PCLO: variants seen among roughly 807,000 people sequenced by gnomAD.
The protein encoded by PCLO is piccolo presynaptic cytomatrix protein, also known as protein piccolo.
In PCLO, 82 loss-of-function variants were observed where a neutral mutation model predicts 427.5. The ratio of observed to expected loss-of-function variants is 0.19; its 90% CI spans 0.16 to 0.23. The LOEUF (loss-of-function observed/expected upper bound fraction) is 0.23, where lower values mean the gene tolerates loss of function less well. Among genes scored for constraint, PCLO ranks in the 10% least tolerant of loss-of-function variants. The pLI is 1.00. For synonymous variants in PCLO, 2,357 were observed against 2,155.4 expected (o/e 1.09, Z -2.59); for missense variants, 6,239 against 6,115.9 (o/e 1.02, Z -0.67).
At chr7:82,996,195 T>C (rs1023139839) in intron 3 of PCLO, among the ~76,000 whole-genome samples, 1 of 151,900 alleles carries the variant, frequency 6.6e-6, no homozygotes. Context: ...TAAAATAAGA[T>C]TTACCAAAAT....
chr7:82,778,610 GT>G (rs1240542678), intron 22 of PCLO, among the ~76,000 whole-genome samples: 1 of 152,068 alleles, frequency 6.6e-6, no homozygotes, highest in Non-Finnish European at 1.5e-5. Flanking sequence ...TCTTCTGAAA[GT>G]TTTAGAGTGT....
Position 82,988,920 on chromosome 7 carries a change from T to C in PCLO, c.3301-22433A>G, listed in dbSNP as rs375089148. ...CGCGATCTCGGCTCACCGCAACCTC[T>C]GCCTCCCGGGTTCAAGCGATTCTCC... On this transcript the variant is annotated intron_variant, in intron 3 of 24. Coordinates refer to ENST00000333891, the MANE Select transcript of PCLO (RefSeq NM_033026.6). 1.4e-4 allele frequency among the ~76,000 whole-genome samples: 22 copies of C among 152,028 alleles called. No individual in the cohort carries two copies. In the East Asian group the frequency reaches 3.3e-3, roughly 23 times the overall value.
chr7:82,958,488 T>C (rs1472427583), intron 4 of PCLO, among the ~76,000 whole-genome samples: 1 of 152,128 alleles, frequency 6.6e-6, no homozygotes, highest in Non-Finnish European at 1.5e-5. Flanking sequence ...TCTAAATATA[T>C]ACCTTTATTA....
chr7:82,770,694 A>G (rs981430965), intron 22 of PCLO, among the ~76,000 whole-genome samples: 2 of 151,896 alleles, frequency 1.3e-5, no homozygotes, highest in African/African-American at 2.4e-5. Context: ...TTTACCTAAC[A>G]TGCTGAAATT....
intron 3 of PCLO, among the ~76,000 whole-genome samples, chr7:83,032,388 A>ACTCCCCTCC (rs1788691266): frequency 7.3e-6 from 1 of 136,998 alleles, no homozygotes; most frequent in African/African-American, 2.8e-5. Flanking sequence ...CACTCCCCTC[A>ACTCCCCTCC]CTCCCCTCAC....
chr7:82,895,151 A>T (rs1318013455), intron 9 of PCLO, among the ~76,000 whole-genome samples: 1 of 152,020 alleles, frequency 6.6e-6, no homozygotes, highest in Non-Finnish European at 1.5e-5. Flanking sequence ...AACTACAATG[A>T]AACTAAACTA....
intron 3 of PCLO, among the ~76,000 whole-genome samples, chr7:83,104,825 G>A (rs961174265): frequency 1.3e-5 from 2 of 152,070 alleles, no homozygotes; most frequent in African/African-American, 2.4e-5. Context: ...ACAAAGACCT[G>A]GAAAAAGTCT....
At chr7:82,794,469 T>TTTTTTTTTTTTTTTG (rs1791181654) in intron 22 of PCLO, among the ~76,000 whole-genome samples, 1 of 93,780 alleles carries the variant, frequency 1.1e-5, no homozygotes, top group Non-Finnish European at 2.1e-5. Flanking sequence ...CTTTTTTTTT[T>TTTTTTTTTTTTTTTG]TTTTTTTTTT....
At chr7:83,123,862 C>T (rs1791351432) in intron 3 of PCLO, among the ~76,000 whole-genome samples, 1 of 142,748 alleles carries the variant, frequency 7.0e-6, no homozygotes, top group East Asian at 2.2e-4. Flanking sequence ...GAGTCCGAGG[C>T]CAGTGGATCA....
chr7:83,149,689 G>C (rs1237488594), intron 2 of PCLO, among the ~76,000 whole-genome samples: 5 of 152,136 alleles, frequency 3.3e-5, no homozygotes, highest in African/African-American at 1.2e-4. Flanking sequence ...ATTTGGCATA[G>C]CTCCACTATT....
At chr7:83,045,845 T>C (rs529297502) in intron 3 of PCLO, among the ~76,000 whole-genome samples, 63 of 152,238 alleles carry the variant, frequency 4.1e-4, no homozygotes, top group African/African-American at 1.5e-3. Context: ...AGGGCCAAGA[T>C]ATTAATGTTA....
rs1397295085 is a variant in PCLO at position 82,970,942 on chromosome 7, GC to G, written c.3301-4456del. 2.6e-5 allele frequency among the ~76,000 whole-genome samples: 4 copies of G among 151,658 alleles called. No individual in the cohort carries two copies. The East Asian group carries it at 7.7e-4, about 29-fold the overall frequency. Reference sequence around the variant, plus strand: ...ATAAACAAACTGACCAGAAAAATTTGCTTCTCCCAAAATTTTGGAAATACTC... The same window carrying G: ...ATAAACAAACTGACCAGAAAAATTTGTTCTCCCAAAATTTTGGAAATACTC... On this transcript the variant is annotated intron_variant, in intron 3 of 24. Coordinates refer to ENST00000333891, the MANE Select transcript of PCLO (RefSeq NM_033026.6).
chr7:82,804,236 T>G (rs73706729), intron 21 of PCLO, among the ~76,000 whole-genome samples: 5,166 of 152,150 alleles, frequency 0.034, 304 homozygotes, highest in African/African-American at 0.12. Flanking sequence ...CAATAAAATA[T>G]AACTGATTAA....
At chr7:82,923,659 T>C (rs1289551840) in intron 6 of PCLO, among the ~76,000 whole-genome samples, 2 of 152,080 alleles carry the variant, frequency 1.3e-5, no homozygotes, top group African/African-American at 4.8e-5. Context: ...TTGCACTCCA[T>C]GTAGATAACA....
At chr7:83,162,194 C>T (rs1792455934) in intron 1 of PCLO, 151 bp downstream of exon 1, 1 of 850,114 alleles carries the variant, frequency 1.2e-6, no homozygotes, top group South Asian at 1.8e-5. Context: ...CATCACAAGG[C>T]TTAGGATCTC....
At chr7:83,044,057 T>C (rs894080383) in intron 3 of PCLO, among the ~76,000 whole-genome samples, 1 of 151,928 alleles carries the variant, frequency 6.6e-6, no homozygotes, top group African/African-American at 2.4e-5. Flanking sequence ...CAGTTCCGCA[T>C]GGGCTAGAAA....
At chr7:82,981,709 A>G in intron 3 of PCLO, among the ~76,000 whole-genome samples, 1 of 152,106 alleles carries the variant, frequency 6.6e-6, no homozygotes, top group East Asian at 1.9e-4. Flanking sequence ...CCTATACTTA[A>G]AAAAAGGAGT....
At position 83,038,001 on chromosome 7, in the gene PCLO, A is replaced by ATATATATT. The variant is rs1562932726; in HGVS notation, c.3301-71515_3301-71514insAATATATA. ...TGTAAGGAGGAGCTTATATATATATATATATATATATATATATATATATAT... is the reference window on the plus strand; with the variant it reads ...TGTAAGGAGGAGCTTATATATATATATATATATTTATATATATATATATATATATATAT... On this transcript the variant is annotated intron_variant, in intron 3 of 24. Transcript: ENST00000333891. 7.4e-5 allele frequency among the ~76,000 whole-genome samples: 2 copies of ATATATATT among 27,162 alleles called. 1 individual carries two copies. The highest frequency in any genetic ancestry group is 5.2e-4 in the African/African-American group (2 of 3,832). The allele number at this position is 27,162 out of a possible 152,430, so 17.8% of individuals were successfully genotyped here.
chr7:82,823,804 G>C (rs928282825), intron 19 of PCLO, among the ~76,000 whole-genome samples: 3 of 152,050 alleles, frequency 2.0e-5, no homozygotes, highest in Non-Finnish European at 4.4e-5. Flanking sequence ...TATTTATTGG[G>C]TAAGACAATA....
Sources: allele counts gnomAD v4.1 joint callset (sites outside exome capture counted in the v4.1 genomes callset), GRCh38; gene constraint gnomAD v4.1.1; transcripts MANE v1.5; gene names NCBI Gene and HGNC (gene_info 2026-07-23, HGNC 2026-07-21).